IL18RAP: variants seen among roughly 807,000 people sequenced by gnomAD.
The protein encoded by IL18RAP is interleukin-18 receptor accessory protein.
IL18RAP carries 37 observed loss-of-function variants against 58.1 expected under a neutral mutation model. The ratio of observed to expected loss-of-function variants is 0.64; its 90% CI spans 0.49 to 0.84. The LOEUF is 0.84. Ranked by LOEUF, IL18RAP falls within the 40% of genes least tolerant of loss-of-function variation. The probability of loss-of-function intolerance (pLI) is 0.00; values close to 1 mark genes in which losing one functional copy is unlikely to be tolerated. For missense variants in IL18RAP, 667 were observed against 704.8 expected, an observed-to-expected ratio of 0.95 and a Z score of 0.61; for synonymous variants, 268 against 257.5, an observed-to-expected ratio of 1.04 and a Z score of -0.39.
intron 1 of IL18RAP, 35 bp from the exon 2 acceptor site, chr2:102,423,776 G>A: frequency 7.5e-7 from 1 of 1,336,518 alleles, no homozygotes; most frequent in East Asian, 2.4e-5. Context: ...ATTTTCTAAT[G>A]TGTTTCCATG....
rs1451948296 is a variant in IL18RAP at position 102,452,060 on chromosome 2, C to T, written c.1679C>T (p.Pro560Leu). 1 of 1,614,120 alleles carries T rather than the reference C, an allele frequency of 6.2e-7. No homozygotes were observed. The highest frequency in any genetic ancestry group is 8.5e-7 in the Non-Finnish European group (1 of 1,180,036). ...RFWAKMRYHM[P>L]VKNSQGFTWN... The stretch of plus-strand genomic sequence containing the variant: ...TGGGCCAAAATGCGCTACCACATGC[C>T]TGTGAAAAACTCTCAGGGATTCACG... Residue 560 changes from proline (P) to leucine (L), a missense_variant, in exon 10 of 10, where the codon CCT (proline) becomes CTT (leucine). Transcript: ENST00000687160.
chr2:102,425,522 A>G (rs1402392964), intron 3 of IL18RAP, among the ~76,000 whole-genome samples: 1 of 152,208 alleles, frequency 6.6e-6, no homozygotes, highest in Non-Finnish European at 1.5e-5. Context: ...GCTGGTCTCA[A>G]TAAAACCCTA....
chr2:102,424,441 A>G, intron 3 of IL18RAP, 27 bp downstream of exon 3: 2 of 1,582,956 alleles, frequency 1.3e-6, no homozygotes, highest in East Asian at 2.2e-5. Context: ...TAAAATTAAT[A>G]TAAGAGCATT....
intron 4 of IL18RAP, 150 bp downstream of exon 4, chr2:102,437,512 A>G (rs1194906391): frequency 1.5e-6 from 1 of 681,992 alleles, no homozygotes; most frequent in East Asian, 3.2e-5. Context: ...CAAACATCAA[A>G]GTTGCCATCC....
At chr2:102,438,056 G>T (rs1057227231) in intron 4 of IL18RAP, among the ~76,000 whole-genome samples, 1 of 152,022 alleles carries the variant, frequency 6.6e-6, no homozygotes, top group African/African-American at 2.4e-5. Context: ...GTTTTTATTT[G>T]TTTCTTTTCT....
chr2:102,430,786 A>G (rs1682295569), intron 3 of IL18RAP, among the ~76,000 whole-genome samples: 1 of 152,140 alleles, frequency 6.6e-6, no homozygotes, highest in African/African-American at 2.4e-5. Flanking sequence ...AGTTAAGCTA[A>G]TAACAACTTA....
At position 102,452,282 on chromosome 2, in the gene IL18RAP, C is replaced by T; in HGVS notation, c.*101C>T. ...TGTGTGTTCAGGCTGATAGGAAATTCAAAGAGTCTCCTGCCAGCACCAAGC... is the reference window on the plus strand; with the variant it reads ...TGTGTGTTCAGGCTGATAGGAAATTTAAAGAGTCTCCTGCCAGCACCAAGC... On this transcript the variant is annotated 3_prime_UTR_variant, in exon 10 of 10. Coordinates refer to ENST00000687160, the MANE Select transcript of IL18RAP (RefSeq NM_001393487.1). 1 of 1,165,228 alleles carries T rather than the reference C, an allele frequency of 8.6e-7. No homozygotes were observed. Among genetic ancestry groups the T allele is most frequent in the Non-Finnish European group, 1.2e-6 (1 of 824,974 alleles). 72.2% of individuals were successfully genotyped at this position (1,165,228 alleles called of 1,614,324 possible).
At chr2:102,448,297 G>T (rs1683554733) in intron 8 of IL18RAP, among the ~76,000 whole-genome samples, 1 of 152,192 alleles carries the variant, frequency 6.6e-6, no homozygotes, top group Admixed American at 6.5e-5. Context: ...AGCCTCATCT[G>T]TAAAATGAGG....
At chr2:102,436,343 T>C (rs1315953245) in intron 3 of IL18RAP, among the ~76,000 whole-genome samples, 1 of 152,190 alleles carries the variant, frequency 6.6e-6, no homozygotes. Flanking sequence ...TTTCCCCCTA[T>C]GTTTTAAAAC....
At chr2:102,448,454 G>T (rs1220707660) in intron 8 of IL18RAP, among the ~76,000 whole-genome samples, 1 of 152,158 alleles carries the variant, frequency 6.6e-6, no homozygotes, top group Non-Finnish European at 1.5e-5. Flanking sequence ...TCTTGCTTCT[G>T]TTTTTTTCTA....
upstream of IL18RAP, chr2:102,423,149 T>C: frequency 2.2e-6 from 2 of 923,838 alleles, no homozygotes; most frequent in African/African-American, 3.3e-5. Context: ...TGGTTCTGAC[T>C]TCTTCATTTC....
At chr2:102,442,676 AAGTT>A (rs1345405670) in intron 5 of IL18RAP, among the ~76,000 whole-genome samples, 4 of 152,206 alleles carry the variant, frequency 2.6e-5, no homozygotes, top group Non-Finnish European at 4.4e-5. Flanking sequence ...GGGTAGAAAA[AAGTT>A]AGTCTCATAA....
rs2104394348 is a variant in IL18RAP, at chr2:102,452,245, C to T, written c.*64C>T. 1 of 1,417,566 alleles carries T rather than the reference C, an allele frequency of 7.1e-7. No individual in the cohort carries two copies. Among genetic ancestry groups the T allele is most frequent in the Non-Finnish European group, 9.6e-7 (1 of 1,042,286 alleles). The allele number at this position is 1,417,566 out of a possible 1,614,324, so 87.8% of individuals were successfully genotyped here. A position where few individuals can be genotyped will look rare whatever the true frequency, so the allele number is the denominator to read the frequency against. On this transcript the variant is annotated 3_prime_UTR_variant, in exon 10 of 10. Transcript: ENST00000687160. ...TAGAGATGTTGCTGGACAGAACTCA[C>T]AGCTCTGTGTGTGTGTGTTCAGGCT...
intron 8 of IL18RAP, among the ~76,000 whole-genome samples, chr2:102,448,757 C>G (rs543449042): frequency 2.0e-5 from 3 of 151,040 alleles, no homozygotes. Context: ...CTCAGGAGTT[C>G]AAGACCAGCC....
intron 3 of IL18RAP, among the ~76,000 whole-genome samples, chr2:102,436,793 G>T (rs1419958714): frequency 7.8e-6 from 1 of 128,798 alleles, no homozygotes; most frequent in Admixed American, 7.5e-5. Flanking sequence ...ATATGTGTGT[G>T]TATGTATATA....
At chr2:102,422,802 G>T (rs1681657181), upstream of IL18RAP, among the ~76,000 whole-genome samples, 1 of 152,170 alleles carries the variant, frequency 6.6e-6, no homozygotes, top group Non-Finnish European at 1.5e-5. Flanking sequence ...TATATCTCTA[G>T]CTTTCCTAAC....
At chr2:102,434,502 TAGATG>T (rs1390315233) in intron 3 of IL18RAP, 1 of 152,226 alleles carries the variant, frequency 6.6e-6, no homozygotes, top group Non-Finnish European at 1.5e-5. Flanking sequence ...GTGAGGCATG[TAGATG>T]AGATCAACAT....
At chr2:102,447,997 G>A (rs1339672231) in intron 8 of IL18RAP, among the ~76,000 whole-genome samples, 1 of 152,146 alleles carries the variant, frequency 6.6e-6, no homozygotes, top group Non-Finnish European at 1.5e-5. Flanking sequence ...GCCTCCCAAA[G>A]TGCTGGGATT....
At chr2:102,420,072 T>C (rs1681474940), upstream of IL18RAP, among the ~76,000 whole-genome samples, 1 of 152,206 alleles carries the variant, frequency 6.6e-6, no homozygotes, top group African/African-American at 2.4e-5. Flanking sequence ...AGACATTAGA[T>C]GGCCTTCAAA....
Sources: gnomAD v4.1 joint callset for allele counts (sites outside exome capture counted in the v4.1 genomes callset) on GRCh38, gnomAD v4.1.1 for gene constraint, MANE v1.5 for transcripts, NCBI Gene and HGNC (gene_info 2026-07-23, HGNC 2026-07-21) for gene names.